Variants in NTRK3 observed in about 807,000 individuals in gnomAD.
The protein encoded by NTRK3 is neurotrophic receptor tyrosine kinase 3, also known as NT-3 growth factor receptor.
Under a neutral mutation model 91.7 loss-of-function variants are expected in NTRK3, and 24 were observed. The observed-to-expected ratio is 0.26, with a 90% confidence interval of 0.19 to 0.37. The LOEUF is 0.37. NTRK3 is among the 10% of genes least tolerant of loss of function. The pLI is 1.00. For synonymous variants in NTRK3, 483 were observed against 404.0 expected, an observed-to-expected ratio of 1.20 and a Z score of -2.34; for missense variants, 880 against 1,068.9, an observed-to-expected ratio of 0.82 and a Z score of 2.46.
chr15:88,170,687 C>T lies in NTRK3; in HGVS notation c.395+12731G>A, dbSNP rs139069713. ...CGACCAGGGCAGCAGAAGAACCAGA[C>T]CGCCACACCCTCAGGACGTAGGCTA... On this transcript the variant is annotated intron_variant, in intron 5 of 18. Coordinates refer to ENST00000394480, the Ensembl canonical transcript of NTRK3. Among the ~76,000 whole-genome samples, 1,013 of 152,302 alleles carry T rather than the reference C, an allele frequency of 6.7e-3. 14 individuals carry two copies. Among genetic ancestry groups the T allele is most frequent in the African/African-American group, 0.023 (969 of 41,552 alleles).
intron 3 of NTRK3, among the ~76,000 whole-genome samples, chr15:88,195,417 A>G (rs1180540766): frequency 6.6e-6 from 1 of 152,226 alleles, no homozygotes; most frequent in Non-Finnish European, 1.5e-5. Flanking sequence ...TAAACAAATT[A>G]ATAAATGACT....
At chr15:88,050,760 C>T (rs1404808679) in intron 13 of NTRK3, among the ~76,000 whole-genome samples, 2 of 152,122 alleles carry the variant, frequency 1.3e-5, no homozygotes, top group East Asian at 3.9e-4. Context: ...TTCCATTTTA[C>T]AGACAAAGAA....
intron 13 of NTRK3, among the ~76,000 whole-genome samples, chr15:88,050,665 A>G (rs1238669423): frequency 6.6e-6 from 1 of 152,196 alleles, no homozygotes; most frequent in African/African-American, 2.4e-5. Context: ...CTACTATTTG[A>G]TGAGTATATA....
At chr15:88,189,505 G>C (rs2047215736) in intron 3 of NTRK3, among the ~76,000 whole-genome samples, 2 of 151,698 alleles carry the variant, frequency 1.3e-5, no homozygotes, top group Non-Finnish European at 2.9e-5. Context: ...CTCTGCAGTG[G>C]GGTGCAATGG....
chr15:87,887,218 G>A (rs2065604099), intron 17 of NTRK3, among the ~76,000 whole-genome samples: 1 of 152,120 alleles, frequency 6.6e-6, no homozygotes, highest in East Asian at 1.9e-4. Context: ...ACTCCCCTGA[G>A]AAGAATCTTC....
At chr15:88,041,652 C>A (rs998554356) in intron 13 of NTRK3, among the ~76,000 whole-genome samples, 1 of 152,160 alleles carries the variant, frequency 6.6e-6, no homozygotes, top group Non-Finnish European at 1.5e-5. Context: ...CCGCCAACAC[C>A]TGGCGCAGCC....
At chr15:88,097,458 C>T (rs1465286497) in intron 13 of NTRK3, among the ~76,000 whole-genome samples, 1 of 152,176 alleles carries the variant, frequency 6.6e-6, no homozygotes, top group Admixed American at 6.5e-5. Flanking sequence ...GTCTCATACA[C>T]TGATAGAGGC....
At chr15:88,104,543 C>G (rs1290712672) in intron 13 of NTRK3, among the ~76,000 whole-genome samples, 2 of 152,154 alleles carry the variant, frequency 1.3e-5, no homozygotes, top group Non-Finnish European at 2.9e-5. Context: ...AGTGAGTTGC[C>G]CTTGACAGCC....
At chr15:87,884,823 T>C (rs1249149355) in intron 17 of NTRK3, among the ~76,000 whole-genome samples, 2 of 151,858 alleles carry the variant, frequency 1.3e-5, no homozygotes, top group Non-Finnish European at 3.0e-5. Flanking sequence ...GGTAACTTCC[T>C]TTATTAAATA....
At chr15:88,002,064 G>T (rs2076135230) in intron 14 of NTRK3, among the ~76,000 whole-genome samples, 1 of 151,744 alleles carries the variant, frequency 6.6e-6, no homozygotes, top group South Asian at 2.1e-4. Flanking sequence ...TAAAGTCCAT[G>T]GGAGATTGTG....
intron 13 of NTRK3, among the ~76,000 whole-genome samples, chr15:88,073,191 G>T (rs1042126424): frequency 2.6e-5 from 4 of 152,162 alleles, no homozygotes; most frequent in African/African-American, 9.7e-5. Flanking sequence ...GCACATTCTT[G>T]GGTTCCATCC....
At chr15:88,242,467 C>CG (rs1376978707) in intron 3 of NTRK3, among the ~76,000 whole-genome samples, 1 of 152,216 alleles carries the variant, frequency 6.6e-6, no homozygotes, top group African/African-American at 2.4e-5. Flanking sequence ...TTTCTTTAAA[C>CG]TTTACATTAG....
At chr15:88,132,956 G>A (rs929907150) in intron 10 of NTRK3, among the ~76,000 whole-genome samples, 1 of 152,068 alleles carries the variant, frequency 6.6e-6, no homozygotes, top group Non-Finnish European at 1.5e-5. Flanking sequence ...ATCCTCCTGG[G>A]GCCAGATTCC....
rs758304394 is a variant in NTRK3 at position 88,136,490 on chromosome 15, G to A, written c.742C>T (p.Leu248=). ...ACCTGGTGAGTGTTGATGGACTGCA[G>A]CCCAGTGACTATCCAGTCCACATCA... The change falls in exon 8 of 19, where the codon CTG becomes TTG. Residue 248 remains leucine, a synonymous_variant. Coordinates refer to ENST00000394480, the Ensembl canonical transcript of NTRK3. 5 of 1,614,164 alleles carry A rather than the reference G, an allele frequency of 3.1e-6. No homozygotes were observed. In the South Asian group the frequency reaches 3.3e-5, roughly 11 times the overall value.
At chr15:88,115,362 T>C (rs945024626) in intron 13 of NTRK3, among the ~76,000 whole-genome samples, 1 of 152,166 alleles carries the variant, frequency 6.6e-6, no homozygotes, top group African/African-American at 2.4e-5. Context: ...CCTGCCTGCT[T>C]CCCCTAGAGC....
intron 14 of NTRK3, chr15:87,981,193 C>T (rs1170765324): frequency 6.4e-7 from 1 of 1,554,796 alleles, no homozygotes; most frequent in Admixed American, 2.0e-5. Flanking sequence ...GGGATCTTTA[C>T]TGCATACAAA....
chr15:88,060,296 C>G (rs1292879731), intron 13 of NTRK3, among the ~76,000 whole-genome samples: 1 of 150,842 alleles, frequency 6.6e-6, no homozygotes, highest in African/African-American at 2.4e-5. Context: ...AGGCAGGAAA[C>G]TCGCTTAAAC....
intron 3 of NTRK3, 61 bp from the exon 4 acceptor site, chr15:88,184,360 G>T: frequency 6.6e-7 from 1 of 1,505,852 alleles, no homozygotes; most frequent in Non-Finnish European, 9.2e-7. Flanking sequence ...GCTGGCTTTG[G>T]AGCCACAGAG....
chr15:88,040,222 T>C (rs2079470306), intron 13 of NTRK3, among the ~76,000 whole-genome samples: 1 of 152,256 alleles, frequency 6.6e-6, no homozygotes, highest in South Asian at 2.1e-4. Context: ...TTTTACTTTT[T>C]ACACAGAGAA....
Sources: allele counts gnomAD v4.1 joint callset (sites outside exome capture counted in the v4.1 genomes callset), GRCh38; gene constraint gnomAD v4.1.1; transcripts MANE v1.5; gene names NCBI Gene and HGNC (gene_info 2026-07-23, HGNC 2026-07-21).